Variants in LUZP2 observed in about 807,000 individuals in gnomAD.
LUZP2 encodes the protein leucine zipper protein 2.
In LUZP2, 52 loss-of-function variants were observed where a neutral mutation model predicts 51.6. The ratio of observed to expected loss-of-function variants is 1.01; its 90% CI spans 0.81 to 1.27. The LOEUF (loss-of-function observed/expected upper bound fraction) is 1.27. LUZP2 is among the 50% of genes most tolerant of loss of function. LUZP2 has a pLI of 0.00. For synonymous variants in LUZP2, 154 were observed against 137.3 expected, an observed-to-expected ratio of 1.12 and a Z score of -0.85; for missense variants, 436 against 395.4, an observed-to-expected ratio of 1.10 and a Z score of -0.87.
At chr11:24,870,160 C>T (rs1226042242) in intron 5 of LUZP2, among the ~76,000 whole-genome samples, 1 of 152,048 alleles carries the variant, frequency 6.6e-6, no homozygotes, top group Admixed American at 6.6e-5. Flanking sequence ...GATAATGAAA[C>T]TGTAAAGGAA....
intron 1 of LUZP2, among the ~76,000 whole-genome samples, chr11:24,552,746 A>C (rs1851757134): frequency 6.6e-6 from 1 of 151,932 alleles, no homozygotes; most frequent in Non-Finnish European, 1.5e-5. Flanking sequence ...AAAACAAACA[A>C]GAAAACAAAG....
chr11:24,573,302 A>G lies in LUZP2; in HGVS notation c.62+75997A>G, dbSNP rs1031935623. 2.0e-5 allele frequency among the ~76,000 whole-genome samples: 3 copies of G among 152,056 alleles called. No individual in the cohort carries two copies. In the South Asian group the frequency reaches 6.2e-4, roughly 31 times the overall value. ...CTTACAAGGATTGCAAAGCCAGTAT[A>G]TTAACTCAGAGCTTGTACATCACTG... On this transcript the variant is annotated intron_variant, in intron 1 of 11. Coordinates refer to ENST00000336930, the MANE Select transcript of LUZP2 (RefSeq NM_001009909.4).
intron 5 of LUZP2, among the ~76,000 whole-genome samples, chr11:24,824,209 C>T (rs1200100001): frequency 6.8e-6 from 1 of 146,982 alleles, no homozygotes; most frequent in East Asian, 2.0e-4. Context: ...ACTAAATATA[C>T]AAAAAAATTA....
intron 1 of LUZP2, among the ~76,000 whole-genome samples, chr11:24,518,256 A>C (rs376444451): frequency 1.3e-5 from 2 of 152,330 alleles, no homozygotes; most frequent in South Asian, 2.1e-4. Flanking sequence ...TGCTTCATCT[A>C]ATCCATGAGT....
chr11:24,917,639 G>T (rs972223431), intron 7 of LUZP2, among the ~76,000 whole-genome samples: 7 of 151,976 alleles, frequency 4.6e-5, no homozygotes, highest in African/African-American at 1.2e-4. Flanking sequence ...AAGATCAGAT[G>T]GTTGTAGATG....
intron 9 of LUZP2, among the ~76,000 whole-genome samples, chr11:24,993,914 G>T (rs537945370): frequency 6.6e-6 from 1 of 152,052 alleles, no homozygotes; most frequent in Non-Finnish European, 1.5e-5. Context: ...AGGCTGGAGT[G>T]CAGTGGTGCA....
intron 9 of LUZP2, among the ~76,000 whole-genome samples, chr11:25,032,964 T>C (rs1437631617): frequency 6.6e-6 from 1 of 152,206 alleles, no homozygotes; most frequent in African/African-American, 2.4e-5. Flanking sequence ...TTGGCTCTAA[T>C]TTAGAAATAA....
intron 1 of LUZP2, among the ~76,000 whole-genome samples, chr11:24,716,488 G>A (rs1232872634): frequency 6.6e-6 from 1 of 152,144 alleles, no homozygotes; most frequent in Admixed American, 6.5e-5. Context: ...TCAAAGGAGT[G>A]AAAAGAGTCA....
chr11:25,003,172 C>T lies in LUZP2; in HGVS notation c.765+19879C>T, dbSNP rs1358833323. Among the ~76,000 whole-genome samples the T allele has an allele frequency of 3.3e-5, 5 of 152,132 alleles. No homozygotes were observed. The East Asian group carries it at 5.8e-4, about 18-fold the overall frequency. On this transcript the variant is annotated intron_variant, in intron 9 of 11. Transcript: ENST00000336930. The stretch of plus-strand genomic sequence containing the variant: ...GAGTAGCCTGCTGGCATGAGGCTTC[C>T]AAACTGGTAGCCAAAAGTAAATCAT...
At chr11:24,816,680 A>G (rs1328349310) in intron 5 of LUZP2, among the ~76,000 whole-genome samples, 1 of 151,982 alleles carries the variant, frequency 6.6e-6, no homozygotes, top group Non-Finnish European at 1.5e-5. Context: ...TAGTTATTTC[A>G]CTTAATTCTC....
At chr11:24,930,971 TG>T (rs1385399181) in intron 7 of LUZP2, among the ~76,000 whole-genome samples, 1 of 152,114 alleles carries the variant, frequency 6.6e-6, no homozygotes, top group East Asian at 1.9e-4. Flanking sequence ...CCCAGCACTT[TG>T]GGAAGCCAAG....
intron 1 of LUZP2, among the ~76,000 whole-genome samples, chr11:24,616,410 T>A (rs1240820073): frequency 2.0e-5 from 3 of 151,790 alleles, no homozygotes; most frequent in African/African-American, 7.3e-5. Context: ...GGGCTTTAAG[T>A]CGACAATTTT....
chr11:24,618,751 A>G (rs1425027670), intron 1 of LUZP2, among the ~76,000 whole-genome samples: 1 of 152,078 alleles, frequency 6.6e-6, no homozygotes, highest in Non-Finnish European at 1.5e-5. Context: ...TTTGTTTTAT[A>G]TATAATGGCC....
intron 1 of LUZP2, among the ~76,000 whole-genome samples, chr11:24,676,831 T>A (rs541757758): frequency 7.9e-5 from 12 of 152,008 alleles, no homozygotes; most frequent in Non-Finnish European, 1.5e-4. Context: ...GTCTGGCTAA[T>A]GTTTTTTATA....
intron 1 of LUZP2, among the ~76,000 whole-genome samples, chr11:24,600,921 A>G (rs1003380460): frequency 6.6e-6 from 1 of 152,174 alleles, no homozygotes; most frequent in Non-Finnish European, 1.5e-5. Flanking sequence ...TGTTACTCAT[A>G]TGAATATGTT....
At chr11:24,800,564 CAAAAA>C (rs1267269703) in intron 5 of LUZP2, among the ~76,000 whole-genome samples, 1 of 147,536 alleles carries the variant, frequency 6.8e-6, no homozygotes, top group Non-Finnish European at 1.5e-5. Context: ...TACAAAAAAA[CAAAAA>C]AACCCAAAAA....
chr11:24,844,427 G>C (rs375616453), intron 5 of LUZP2, among the ~76,000 whole-genome samples: 1 of 152,096 alleles, frequency 6.6e-6, no homozygotes, highest in South Asian at 2.1e-4. Context: ...GCTGTTAATG[G>C]CATCAGTTTC....
chr11:24,787,325 A>G (rs1849278412), intron 5 of LUZP2, among the ~76,000 whole-genome samples: 1 of 152,178 alleles, frequency 6.6e-6, no homozygotes, highest in Admixed American at 6.5e-5. Flanking sequence ...GGGGCAGCAT[A>G]TTCTTATTTC....
At chr11:25,038,793 G>T (rs1857943396) in intron 9 of LUZP2, among the ~76,000 whole-genome samples, 1 of 152,160 alleles carries the variant, frequency 6.6e-6, no homozygotes, top group East Asian at 1.9e-4. Flanking sequence ...TTTAACTGTG[G>T]TGTAAATCGA....
Sources: gnomAD v4.1 joint callset for allele counts (sites outside exome capture counted in the v4.1 genomes callset) on GRCh38, gnomAD v4.1.1 for gene constraint, MANE v1.5 for transcripts, NCBI Gene and HGNC (gene_info 2026-07-23, HGNC 2026-07-21) for gene names.